The following SAYSD1 variants were observed in gnomAD, a reference collection of about 807,000 sequenced individuals.
The protein encoded by SAYSD1 is SAYSvFN domain-containing protein 1.
SAYSD1 carries 15 observed loss-of-function variants against 14.5 expected under a neutral mutation model. That is an observed-to-expected ratio of 1.03 (90% CI 0.69 to 1.59). The LOEUF is 1.59. SAYSD1 is among the 40% of genes most tolerant of loss of function. SAYSD1 has a pLI of 0.00. For synonymous variants in SAYSD1, 105 were observed against 102.6 expected, an observed-to-expected ratio of 1.02 and a Z score of -0.14; for missense variants, 247 against 227.3, an observed-to-expected ratio of 1.09 and a Z score of -0.56.
At position 39,105,596 on chromosome 6, in the gene SAYSD1, A is replaced by T; in HGVS notation, c.388T>A (p.Leu130Met). The change falls in exon 2 of 2, where the codon TTG becomes ATG. Residue 130 changes from leucine (L) to methionine (M), a missense_variant. By Grantham distance (15) the Leu-to-Met change is conservative (BLOSUM62 2). Coordinates refer to ENST00000229903, the MANE Select transcript of SAYSD1 (RefSeq NM_018322.3). ...GTCCCGACGTACATCCAATAGAACA[A>T]GGACAGGACAAAATATGCCAGGCCA... ...EFGLAYFVLS[L>M]FYWMYVGTRG... is the part of the protein sequence containing the mutation. 6.2e-7 allele frequency: 1 copy of T among 1,614,210 alleles called. No individual in the cohort carries two copies. Among genetic ancestry groups the T allele is most frequent in the East Asian group, 2.2e-5 (1 of 44,886 alleles).
chr6:39,109,412 A>G, intron 1 of SAYSD1: 1 of 1,531,532 alleles, frequency 6.5e-7, no homozygotes, highest in Non-Finnish European at 8.8e-7. Flanking sequence ...GAGGATGTAG[A>G]TACTTCCTCA....
chr6:39,107,391 TAC>T (rs1769526457), intron 1 of SAYSD1, among the ~76,000 whole-genome samples: 1 of 152,214 alleles, frequency 6.6e-6, no homozygotes, highest in African/African-American at 2.4e-5. Flanking sequence ...TATTCAGCAC[TAC>T]AGTGTCTCTC....
At chr6:39,106,907 C>G (rs540537233) in intron 1 of SAYSD1, among the ~76,000 whole-genome samples, 47 of 152,282 alleles carry the variant, frequency 3.1e-4, no homozygotes, top group African/African-American at 1.0e-3. Context: ...CCACTGTTTT[C>G]GGAACTCTTT....
At position 39,105,753 on chromosome 6, in the gene SAYSD1, G is replaced by A; in HGVS notation, c.231C>T (p.Ser77=). ...LVQEAAQPQG[S]TSETPWNTAI... ...CTGTGTTCCATGGTGTCTCTGATGT[G>A]CTGCCCTGGGGCTGAGCCGCTTCCT... Residue 77 remains serine, a synonymous_variant, in exon 2 of 2, where the codon AGC becomes AGT. Transcript: ENST00000229903. 2 of 1,614,082 alleles carry A rather than the reference G, an allele frequency of 1.2e-6. No homozygotes were observed. The highest frequency in any genetic ancestry group is 1.7e-6 in the Non-Finnish European group (2 of 1,179,950).
rs1345596159 is a variant in SAYSD1, at chr6:39,115,046, G to A, written c.44C>T (p.Ala15Val). 5 of 1,610,938 alleles carry A rather than the reference G, an allele frequency of 3.1e-6. No homozygotes were observed. The highest frequency in any genetic ancestry group is 4.2e-6 in the Non-Finnish European group (5 of 1,179,800). Residue 15 changes from alanine (A) to valine (V), a missense_variant, in exon 1 of 2, where the codon GCG (alanine) becomes GTG (valine). Coordinates refer to ENST00000229903, the MANE Select transcript of SAYSD1 (RefSeq NM_018322.3). The part of the protein sequence containing the change: ...LAEFRAARKR[A>V]GLAAQPPAAS... Reference sequence around the variant, plus strand: ...AGCAGGGGGTTGGGCCGCCAGACCCGCCCGTTTCCGCGCCGCCCGAAACTC... The same window carrying A: ...AGCAGGGGGTTGGGCCGCCAGACCCACCCGTTTCCGCGCCGCCCGAAACTC...
At chr6:39,109,554 T>C (rs1205540494) in intron 1 of SAYSD1, 2 of 1,431,116 alleles carry the variant, frequency 1.4e-6, no homozygotes, top group South Asian at 1.5e-5. Context: ...AATGACATGG[T>C]TTAGTTATTT....
chr6:39,109,506 T>C, intron 1 of SAYSD1: 1 of 1,472,044 alleles, frequency 6.8e-7, no homozygotes, highest in Non-Finnish European at 9.0e-7. Context: ...CAGTCAGAGC[T>C]TGGCCCAAAT....
intron 1 of SAYSD1, chr6:39,109,167 A>C: frequency 1.3e-6 from 1 of 788,014 alleles, no homozygotes; most frequent in Non-Finnish European, 2.1e-6. Flanking sequence ...TTTGAGCAGA[A>C]GGCCAGCCTG....
At chr6:39,111,074 G>A (rs1769616544) in intron 1 of SAYSD1, 1 of 152,146 alleles carries the variant, frequency 6.6e-6, no homozygotes, top group African/African-American at 2.4e-5. Flanking sequence ...GCCTAAACCA[G>A]ATGATGAAGA....
intron 1 of SAYSD1, chr6:39,109,462 C>T (rs1769585641): frequency 1.3e-6 from 2 of 1,531,982 alleles, no homozygotes; most frequent in Non-Finnish European, 1.8e-6. Context: ...TTGTCAGTCA[C>T]AGCGAGGCCC....
chr6:39,106,729 C>T (rs1042832934), intron 1 of SAYSD1, among the ~76,000 whole-genome samples: 2 of 152,220 alleles, frequency 1.3e-5, no homozygotes, highest in African/African-American at 4.8e-5. Flanking sequence ...TATTACCCTC[C>T]TGTTCACAAA....
chr6:39,105,098 T>C lies in SAYSD1; in HGVS notation c.*334A>G, dbSNP rs1769469204. The C allele has an allele frequency of 3.7e-6, 1 of 266,942 alleles. No homozygotes were observed. The highest frequency in any genetic ancestry group is 7.1e-6 in the Non-Finnish European group (1 of 141,248). 16.5% of individuals were successfully genotyped at this position (266,942 alleles called of 1,614,324 possible). A position where few individuals can be genotyped will look rare whatever the true frequency, so the allele number is the denominator to read the frequency against. The stretch of plus-strand genomic sequence containing the variant: ...TGTACCTAATCATACTTCAAACTGC[T>C]GGATGTTTTAAGCTGAGAATCTCCC... On this transcript the variant is annotated 3_prime_UTR_variant, in exon 2 of 2. Coordinates refer to ENST00000229903, the MANE Select transcript of SAYSD1 (RefSeq NM_018322.3).
rs927788237 is a variant in SAYSD1, at chr6:39,104,246, G to A, written c.*1186C>T. 2.6e-5 allele frequency: 4 copies of A among 152,050 alleles called. 1 individual carries two copies. Among genetic ancestry groups the A allele is most frequent in the African/African-American group, 9.7e-5 (4 of 41,316 alleles). The allele number at this position is 152,050 out of a possible 1,614,324, so 9.4% of individuals were successfully genotyped here. A position where few individuals can be genotyped will look rare whatever the true frequency, so the allele number is the denominator to read the frequency against. On this transcript the variant is annotated 3_prime_UTR_variant, in exon 2 of 2. Transcript: ENST00000229903. ...CTCCCAATGGCCAAAGGGCTGTGAGGAAGGGCAACACATATCAGAAGAATT... is the reference window on the plus strand; with the variant it reads ...CTCCCAATGGCCAAAGGGCTGTGAGAAAGGGCAACACATATCAGAAGAATT...
chr6:39,106,198 G>T (rs904187228), intron 1 of SAYSD1, among the ~76,000 whole-genome samples: 4 of 151,906 alleles, frequency 2.6e-5, no homozygotes, highest in Non-Finnish European at 5.9e-5. Context: ...CAAGTGACAT[G>T]ATTCTAAAAT....
At chr6:39,113,168 G>C (rs762077959) in intron 1 of SAYSD1, 2 of 152,184 alleles carry the variant, frequency 1.3e-5, no homozygotes, top group Non-Finnish European at 2.9e-5. Flanking sequence ...TGGAGTGATA[G>C]AGACGTTCTA....
chr6:39,108,308 A>C (rs1263073388), intron 1 of SAYSD1, among the ~76,000 whole-genome samples: 2 of 151,454 alleles, frequency 1.3e-5, no homozygotes, highest in East Asian at 2.0e-4. Flanking sequence ...TGATAGGCAG[A>C]GATGAGGTCA....
intron 1 of SAYSD1, among the ~76,000 whole-genome samples, chr6:39,106,489 C>T (rs536891360): frequency 3.2e-4 from 48 of 152,200 alleles, no homozygotes; most frequent in African/African-American, 1.2e-3. Context: ...ATTGCACCAC[C>T]ACACTCTAGC....
rs1049238372 is a variant in SAYSD1, at chr6:39,109,631, A to C, written c.208-3855T>G. 2.4e-6 allele frequency: 3 copies of C among 1,230,888 alleles called. No homozygotes were observed. In the African/African-American group the frequency reaches 4.6e-5, roughly 19 times the overall value. 76.2% of individuals were successfully genotyped at this position (1,230,888 alleles called of 1,614,324 possible). On this transcript the variant is annotated intron_variant, in intron 1 of 1. Transcript: ENST00000229903. ...TCTTGATCCCTTCATCTGTAGATGG[A>C]CAGGAGATAAAGTTTTTGGAATCTC...
intron 1 of SAYSD1, chr6:39,113,368 C>T (rs1769667393): frequency 6.6e-6 from 1 of 152,494 alleles, no homozygotes; most frequent in South Asian, 2.1e-4. Context: ...AGTGTGCCAT[C>T]AAAATTGTCT....
Sources: gnomAD v4.1 joint callset for allele counts (sites outside exome capture counted in the v4.1 genomes callset) on GRCh38, gnomAD v4.1.1 for gene constraint, MANE v1.5 for transcripts, NCBI Gene and HGNC (gene_info 2026-07-23, HGNC 2026-07-21) for gene names.